The following NTM variants were observed in gnomAD, a reference collection of about 807,000 sequenced individuals.
NTM encodes the protein IgLON family member 2.
NTM carries 13 observed loss-of-function variants against 42.1 expected under a neutral mutation model. The ratio of observed to expected loss-of-function variants is 0.31; its 90% CI spans 0.20 to 0.49. NTM has a LOEUF of 0.49. Ranked by LOEUF, NTM falls within the 20% of genes least tolerant of loss-of-function variation. The pLI is 0.99. For missense variants in NTM, 373 were observed against 452.8 expected (o/e 0.82, Z 1.60); for synonymous variants, 187 against 179.2 (o/e 1.04, Z -0.35).
chr11:132,033,116 T>G (rs1475044891), intron 2 of NTM, among the ~76,000 whole-genome samples: 2 of 152,208 alleles, frequency 1.3e-5, no homozygotes, highest in Admixed American at 6.5e-5. Flanking sequence ...AAGCTTTTTC[T>G]TTGTGCCCAC....
chr11:131,849,353 C>T (rs1035837485), intron 1 of NTM, among the ~76,000 whole-genome samples: 5 of 152,104 alleles, frequency 3.3e-5, no homozygotes, highest in Non-Finnish European at 7.3e-5. Flanking sequence ...GCATGGCACC[C>T]GTGTCTGCTT....
intron 1 of NTM, among the ~76,000 whole-genome samples, chr11:131,418,631 C>T (rs963830209): frequency 1.3e-5 from 2 of 152,192 alleles, no homozygotes; most frequent in Non-Finnish European, 2.9e-5. Flanking sequence ...CACATCCACT[C>T]ACAGACTAGA....
At chr11:131,426,470 C>T (rs1208014755) in intron 1 of NTM, among the ~76,000 whole-genome samples, 1 of 152,132 alleles carries the variant, frequency 6.6e-6, no homozygotes, top group Non-Finnish European at 1.5e-5. Context: ...TGCTACCAGC[C>T]TCTGAGAAGT....
intron 1 of NTM, among the ~76,000 whole-genome samples, chr11:131,421,118 T>C (rs1038581235): frequency 9.2e-5 from 14 of 152,190 alleles, no homozygotes; most frequent in African/African-American, 3.4e-4. Context: ...GGGAGAAGCA[T>C]GCCATCTTAT....
At chr11:132,263,355 G>C (rs2092987198) in intron 4 of NTM, among the ~76,000 whole-genome samples, 4 of 152,212 alleles carry the variant, frequency 2.6e-5, no homozygotes, top group Non-Finnish European at 5.9e-5. Context: ...CACATTCATA[G>C]CTGAGTAGTT....
intron 1 of NTM, among the ~76,000 whole-genome samples, chr11:131,811,780 G>A (rs189598359): frequency 8.5e-5 from 13 of 152,276 alleles, no homozygotes; most frequent in Non-Finnish European, 1.9e-4. Flanking sequence ...GAAGATAAGA[G>A]GCACATAGCA....
At chr11:131,561,550 CTG>C (rs2056229923) in intron 1 of NTM, among the ~76,000 whole-genome samples, 1 of 152,178 alleles carries the variant, frequency 6.6e-6, no homozygotes. Context: ...AGGCAAAAAA[CTG>C]TGGCCATTCA....
chr11:132,065,990 T>C (rs1019421508), intron 2 of NTM, among the ~76,000 whole-genome samples: 2 of 152,216 alleles, frequency 1.3e-5, no homozygotes, highest in African/African-American at 4.8e-5. Context: ...CCAATGTAAA[T>C]TGGGGTTGTG....
chr11:132,310,364 A>C (rs1454516232), intron 6 of NTM, 132 bp downstream of exon 6: 2 of 806,574 alleles, frequency 2.5e-6, no homozygotes, highest in Non-Finnish European at 3.6e-6. Context: ...TAGGGGGCAA[A>C]TGTGCAAAGA....
rs1169229845 is a variant in NTM at position 132,336,706 on chromosome 11, A to T, written c.*1560A>T. 1.3e-5 allele frequency: 2 copies of T among 151,322 alleles called. No individual in the cohort carries two copies. The highest frequency in any genetic ancestry group is 2.9e-5 in the Non-Finnish European group (2 of 67,832). 9.4% of individuals were successfully genotyped at this position (151,322 alleles called of 1,614,324 possible). On this transcript the variant is annotated 3_prime_UTR_variant, in exon 9 of 9. Transcript: ENST00000683400. ...TTTCCCCTCCCCTGAAAGTCTGGGAACCTGAGAGTCCTCGGGGAGGGGTCC... is the reference window on the plus strand; with the variant it reads ...TTTCCCCTCCCCTGAAAGTCTGGGATCCTGAGAGTCCTCGGGGAGGGGTCC...
chr11:131,470,869 C>T (rs1952370056), intron 1 of NTM, among the ~76,000 whole-genome samples: 1 of 152,186 alleles, frequency 6.6e-6, no homozygotes, highest in South Asian at 2.1e-4. Context: ...GAAGTGATGC[C>T]TATGAACACT....
intron 2 of NTM, among the ~76,000 whole-genome samples, chr11:132,141,279 T>C (rs1464268865): frequency 6.6e-6 from 1 of 151,884 alleles, no homozygotes; most frequent in Non-Finnish European, 1.5e-5. Context: ...CCCCTCTCTC[T>C]CTATCTCTCT....
intron 1 of NTM, among the ~76,000 whole-genome samples, chr11:131,683,116 C>T (rs2073258357): frequency 6.6e-6 from 1 of 152,216 alleles, no homozygotes; most frequent in South Asian, 2.1e-4. Context: ...TGAACTTTCC[C>T]TCTAAAACCG....
chr11:132,134,753 A>ATCTATCTATC (rs1242114738), intron 2 of NTM, among the ~76,000 whole-genome samples: 3 of 97,894 alleles, frequency 3.1e-5, no homozygotes, highest in East Asian at 3.7e-4. Flanking sequence ...ATATATATAT[A>ATCTATCTATC]TATATATCTC....
rs553049562 is a variant in NTM at position 132,116,041 on chromosome 11, G to C, written c.168-30241G>C. On this transcript the variant is annotated intron_variant, in intron 2 of 8. Transcript: ENST00000683400. ...GGTGTGGCCTTCTCTGCGTCTCTCT[G>C]AGCATTTCTCCTTTCTCCCAGTTCC... Among the ~76,000 whole-genome samples, 3 of 152,290 alleles carry C rather than the reference G, an allele frequency of 2.0e-5. No homozygotes were observed. The South Asian group carries it at 6.2e-4, about 32-fold the overall frequency.
intron 7 of NTM, among the ~76,000 whole-genome samples, chr11:132,315,694 TTGCTCTGAATCACGAGCC>T (rs2095410862): frequency 6.6e-6 from 1 of 152,206 alleles, no homozygotes; most frequent in Non-Finnish European, 1.5e-5. Flanking sequence ...CGTATGTGGC[TTGCTCTGAATCACGAGCC>T]TGCACTGCTT....
chr11:132,081,982 A>G (rs542466369), intron 2 of NTM, among the ~76,000 whole-genome samples: 9 of 148,658 alleles, frequency 6.1e-5, no homozygotes, highest in Non-Finnish European at 1.0e-4. Context: ...AAATAATGCA[A>G]TTGCTGGCAC....
chr11:132,011,394 G>T (rs2135422309), intron 2 of NTM, among the ~76,000 whole-genome samples: 1 of 152,268 alleles, frequency 6.6e-6, no homozygotes, highest in Middle Eastern at 3.4e-3. Flanking sequence ...TCTCTGTTAA[G>T]AAATGGAAAA....
At chr11:132,023,780 G>C (rs1457145917) in intron 2 of NTM, among the ~76,000 whole-genome samples, 3 of 95,302 alleles carry the variant, frequency 3.1e-5, no homozygotes, top group Non-Finnish European at 7.4e-5. Context: ...TTTTGTTGTT[G>C]TTGGTGGTTT....
Sources: gnomAD v4.1 joint callset for allele counts (sites outside exome capture counted in the v4.1 genomes callset) on GRCh38, gnomAD v4.1.1 for gene constraint, MANE v1.5 for transcripts, NCBI Gene and HGNC (gene_info 2026-07-23, HGNC 2026-07-21) for gene names.